Variants in ASAP1 observed in about 807,000 individuals in gnomAD.
ASAP1 encodes ArfGAP with SH3 domain, ankyrin repeat and PH domain 1, also known as arf-GAP with SH3 domain, ANK repeat and PH domain-containing protein 1.
In ASAP1, 43 loss-of-function variants were observed where a neutral mutation model predicts 145.2. The observed-to-expected ratio is 0.30, with a 90% CI of 0.23 to 0.38. The LOEUF (loss-of-function observed/expected upper bound fraction) is 0.38. Ranked by LOEUF, ASAP1 falls within the 10% of genes least tolerant of loss-of-function variation. The pLI, the probability that ASAP1 is intolerant of heterozygous loss-of-function variation, is 1.00. For missense variants in ASAP1, 1,018 were observed against 1,355.3 expected (o/e 0.75, Z 3.91); for synonymous variants, 546 against 515.5 (o/e 1.06, Z -0.80).
At chr8:130,393,623 GC>G (rs971232723) in intron 2 of ASAP1, among the ~76,000 whole-genome samples, 6 of 152,260 alleles carry the variant, frequency 3.9e-5, no homozygotes, top group Admixed American at 3.3e-4. Flanking sequence ...AGGCATGGTG[GC>G]ACACACCTGT....
At chr8:130,407,158 C>T (rs1347538022) in intron 1 of ASAP1, among the ~76,000 whole-genome samples, 4 of 152,184 alleles carry the variant, frequency 2.6e-5, no homozygotes, top group Non-Finnish European at 4.4e-5. Flanking sequence ...ATTACTGCCT[C>T]GTTTAATCCC....
At chr8:130,059,667 G>A (rs1403214163) in intron 28 of ASAP1, among the ~76,000 whole-genome samples, 1 of 152,160 alleles carries the variant, frequency 6.6e-6, no homozygotes, top group Non-Finnish European at 1.5e-5. Context: ...TATAGAGTAG[G>A]AAACATTTCA....
At chr8:130,102,828 G>A (rs2097530970) in intron 24 of ASAP1, among the ~76,000 whole-genome samples, 1 of 152,066 alleles carries the variant, frequency 6.6e-6, no homozygotes, top group Non-Finnish European at 1.5e-5. Flanking sequence ...TAGCACCACA[G>A]GTAGGTACCA....
At chr8:130,203,392 C>T (rs1815995058) in intron 5 of ASAP1, among the ~76,000 whole-genome samples, 1 of 152,160 alleles carries the variant, frequency 6.6e-6, no homozygotes, top group Admixed American at 6.5e-5. Flanking sequence ...GCCATGCTCC[C>T]CTCACTAACC....
chr8:130,184,395 GA>G (rs750654856), intron 7 of ASAP1, among the ~76,000 whole-genome samples: 34 of 152,138 alleles, frequency 2.2e-4, no homozygotes, highest in Non-Finnish European at 4.0e-4. Context: ...AAAAGAGTTG[GA>G]AAAAGGGGAG....
At chr8:130,354,877 T>G (rs913304586) in intron 3 of ASAP1, among the ~76,000 whole-genome samples, 1 of 152,088 alleles carries the variant, frequency 6.6e-6, no homozygotes, top group Non-Finnish European at 1.5e-5. Context: ...AGAAGTAAAC[T>G]CCTCTTTGCC....
In ASAP1 at chr8:130,054,609, A is replaced by G; in HGVS notation, c.*122T>C. 1 of 789,300 alleles carries G rather than the reference A, an allele frequency of 1.3e-6. No homozygotes were observed. The highest frequency in any genetic ancestry group is 1.9e-5 in the Admixed American group (1 of 52,368). The allele number at this position is 789,300 out of a possible 1,614,324, so 48.9% of individuals were successfully genotyped here. A position where few individuals can be genotyped will look rare whatever the true frequency, so the allele number is the denominator to read the frequency against. On this transcript the variant is annotated 3_prime_UTR_variant, in exon 30 of 30. Coordinates refer to ENST00000518721, the MANE Select transcript of ASAP1 (RefSeq NM_018482.4). ...CAACACACATTATATCCCCCTCCTG[A>G]GGTGGCCCTTCCATGAGTTTCTTAC...
intron 5 of ASAP1, among the ~76,000 whole-genome samples, chr8:130,202,915 T>G (rs2136325269): frequency 6.6e-6 from 1 of 152,306 alleles, no homozygotes; most frequent in Non-Finnish European, 1.5e-5. Flanking sequence ...AGATACTAGT[T>G]CAAGACTGCA....
intron 3 of ASAP1, among the ~76,000 whole-genome samples, chr8:130,256,751 A>ATATATATATATATATATCCT (rs1819557542): frequency 2.5e-5 from 1 of 40,794 alleles, no homozygotes; most frequent in African/African-American, 8.7e-5. Flanking sequence ...ATATATATAT[A>ATATATATATATATATATCCT]TATATATATA....
At chr8:130,147,603 C>T (rs75935546) in intron 13 of ASAP1, among the ~76,000 whole-genome samples, 2,360 of 152,312 alleles carry the variant, frequency 0.015, 34 homozygotes, top group East Asian at 0.053. Context: ...ATTTAATTCT[C>T]GTAACATGGA....
At chr8:130,081,113 A>T (rs1377246889) in intron 25 of ASAP1, among the ~76,000 whole-genome samples, 1 of 152,236 alleles carries the variant, frequency 6.6e-6, no homozygotes, top group Admixed American at 6.5e-5. Context: ...TCAATTGAGG[A>T]GAATAGTTTC....
intron 3 of ASAP1, among the ~76,000 whole-genome samples, chr8:130,320,907 G>A (rs147082810): frequency 2.0e-4 from 31 of 152,294 alleles, no homozygotes; most frequent in Admixed American, 4.6e-4. Context: ...TTCGGTTAAA[G>A]ACATCAGGAA....
intron 3 of ASAP1, among the ~76,000 whole-genome samples, chr8:130,338,447 G>A (rs1464413352): frequency 5.9e-5 from 9 of 152,160 alleles, no homozygotes; most frequent in African/African-American, 4.8e-5. Context: ...AACAACAGAA[G>A]ATACGTGTCA....
chr8:130,337,909 C>T (rs1319866085), intron 3 of ASAP1, among the ~76,000 whole-genome samples: 1 of 152,202 alleles, frequency 6.6e-6, no homozygotes, highest in African/African-American at 2.4e-5. Flanking sequence ...GCAATTATAG[C>T]AACTATTTCT....
intron 1 of ASAP1, among the ~76,000 whole-genome samples, chr8:130,415,650 T>C (rs749925884): frequency 4.6e-5 from 7 of 151,990 alleles, no homozygotes; most frequent in Non-Finnish European, 1.0e-4. Context: ...TAGCCGGGCA[T>C]GGTGGCAGGT....
chr8:130,315,907 T>G (rs1199117837), intron 3 of ASAP1, among the ~76,000 whole-genome samples: 1 of 152,200 alleles, frequency 6.6e-6, no homozygotes, highest in Non-Finnish European at 1.5e-5. Flanking sequence ...GGCCTAGATA[T>G]AAATCCCACT....
chr8:130,233,823 G>A (rs1254805331), intron 4 of ASAP1, among the ~76,000 whole-genome samples: 3 of 152,180 alleles, frequency 2.0e-5, no homozygotes, highest in East Asian at 1.9e-4. Flanking sequence ...TATAATAGGT[G>A]CTCAATAAAT....
chr8:130,085,660 G>T (rs1035494088), intron 25 of ASAP1, among the ~76,000 whole-genome samples: 1 of 150,544 alleles, frequency 6.6e-6, no homozygotes, highest in Non-Finnish European at 1.5e-5. Context: ...ACTTGGGCCC[G>T]GGAGGTTGAG....
At chr8:130,399,731 A>C (rs1056396937) in intron 2 of ASAP1, among the ~76,000 whole-genome samples, 5 of 152,188 alleles carry the variant, frequency 3.3e-5, no homozygotes, top group Non-Finnish European at 5.9e-5. Context: ...CATTTTTTCT[A>C]AACTACACAA....
Sources: gnomAD v4.1 joint callset for allele counts (sites outside exome capture counted in the v4.1 genomes callset) on GRCh38, gnomAD v4.1.1 for gene constraint, MANE v1.5 for transcripts, NCBI Gene and HGNC (gene_info 2026-07-23, HGNC 2026-07-21) for gene names.